Variants in TXLNB observed in about 807,000 individuals in gnomAD.
TXLNB encodes taxilin beta, also known as beta-taxilin.
A neutral mutation model predicts 57.4 loss-of-function variants in TXLNB; 37 were observed. That is an observed-to-expected ratio of 0.64 (90% CI 0.50 to 0.85). The LOEUF (loss-of-function observed/expected upper bound fraction) is 0.85. Among genes scored for constraint, TXLNB ranks in the 40% least tolerant of loss-of-function variants. TXLNB has a pLI of 0.00. For missense variants in TXLNB, 848 were observed against 825.6 expected, an observed-to-expected ratio of 1.03 and a Z score of -0.33; for synonymous variants, 302 against 309.6, an observed-to-expected ratio of 0.98 and a Z score of 0.26.
chr6:139,237,507 TA>T (rs58158274), downstream of TXLNB: 1,892 of 77,548 alleles, frequency 0.024, 27 homozygotes, highest in African/African-American at 0.069. Flanking sequence ...AGACTCCATC[TA>T]AAAAAAAAAA....
At chr6:139,255,327 T>C in intron 7 of TXLNB, 1 of 549,138 alleles carries the variant, frequency 1.8e-6, no homozygotes, top group Non-Finnish European at 3.5e-6. Context: ...CCATTGTCTG[T>C]CAACAAACCT....
chr6:139,319,059 C>T, the TXLNB span, among the ~76,000 whole-genome samples: 1 of 150,772 alleles, frequency 6.6e-6, no homozygotes, highest in Admixed American at 6.6e-5. Flanking sequence ...TCTCCTGCCT[C>T]AGCCCTCCAA....
At chr6:139,238,583 T>G (rs964484265), downstream of TXLNB, among the ~76,000 whole-genome samples, 1 of 152,188 alleles carries the variant, frequency 6.6e-6, no homozygotes, top group African/African-American at 2.4e-5. Flanking sequence ...AACGTCAGTA[T>G]TGAGGATACA....
chr6:139,256,679 C>G (rs943250758), intron 6 of TXLNB, among the ~76,000 whole-genome samples: 1 of 152,258 alleles, frequency 6.6e-6, no homozygotes, highest in Non-Finnish European at 1.5e-5. Context: ...GACCACTGTT[C>G]TCCACCATAG....
intron 4 of TXLNB, among the ~76,000 whole-genome samples, chr6:139,270,201 G>A (rs570675758): frequency 1.1e-4 from 17 of 152,254 alleles, no homozygotes; most frequent in South Asian, 8.3e-4. Context: ...GGTACTGTGC[G>A]GGTACCTTAC....
At chr6:139,193,003 A>G in the TXLNB span, among the ~76,000 whole-genome samples, 3 of 151,634 alleles carry the variant, frequency 2.0e-5, no homozygotes, top group African/African-American at 4.8e-5. Flanking sequence ...AAAAAACCCT[A>G]CTGTTGTGAA....
At chr6:139,191,779 G>C in the TXLNB span, among the ~76,000 whole-genome samples, 8 of 152,162 alleles carry the variant, frequency 5.3e-5, no homozygotes, top group Non-Finnish European at 1.0e-4. Context: ...GAGTTGTGTT[G>C]AGTTCATTCA....
the TXLNB span, among the ~76,000 whole-genome samples, chr6:139,184,608 G>T: frequency 7.3e-5 from 6 of 82,190 alleles, no homozygotes; most frequent in Admixed American, 6.6e-4. Flanking sequence ...TCTACACCAC[G>T]AATTCATCAT....
intron 4 of TXLNB, among the ~76,000 whole-genome samples, chr6:139,266,046 A>G (rs1036467094): frequency 3.3e-5 from 5 of 152,220 alleles, no homozygotes; most frequent in Non-Finnish European, 7.3e-5. Context: ...CTGAACTGAG[A>G]TTTCAGCTGC....
the TXLNB span, among the ~76,000 whole-genome samples, chr6:139,171,042 G>A: frequency 6.6e-6 from 1 of 152,124 alleles, no homozygotes; most frequent in Non-Finnish European, 1.5e-5. Context: ...TAAAGGTGGG[G>A]AAAGGGCCTG....
chr6:139,184,807 C>T, the TXLNB span, among the ~76,000 whole-genome samples: 1 of 152,142 alleles, frequency 6.6e-6, no homozygotes, highest in Non-Finnish European at 1.5e-5. Context: ...GTATCCCAGA[C>T]TGTTGAGGGT....
At chr6:139,167,112 G>T in the TXLNB span, 6 of 1,614,186 alleles carry the variant, frequency 3.7e-6, no homozygotes, top group Non-Finnish European at 5.1e-6. Context: ...TTCCACGTGC[G>T]CATGGAAGAC....
the TXLNB span, among the ~76,000 whole-genome samples, chr6:139,210,271 A>T: frequency 5.3e-5 from 8 of 152,310 alleles, no homozygotes; most frequent in South Asian, 1.7e-3. Flanking sequence ...GGGAATGTAA[A>T]CTAGTTCAAC....
intron 2 of TXLNB, among the ~76,000 whole-genome samples, chr6:139,281,247 G>T (rs1284386357): frequency 6.6e-6 from 1 of 152,096 alleles, no homozygotes; most frequent in East Asian, 1.9e-4. Context: ...GAAAACAAAA[G>T]CAACATTGTT....
At chr6:139,217,740 T>G in the TXLNB span, among the ~76,000 whole-genome samples, 24,869 of 151,482 alleles carry the variant, frequency 0.16, 2,307 homozygotes, top group African/African-American at 0.24. Context: ...ACGGTGGCAG[T>G]TGCCTGTGAT....
intron 4 of TXLNB, 44 bp downstream of exon 4, chr6:139,270,412 G>T (rs777951958): frequency 6.4e-6 from 10 of 1,565,590 alleles, no homozygotes; most frequent in Non-Finnish European, 8.7e-6. Flanking sequence ...CTGTCTCTGT[G>T]CCCCATTCAA....
At chr6:139,230,397 CTTTTGGTTCAG>C in the TXLNB span, among the ~76,000 whole-genome samples, 3 of 152,168 alleles carry the variant, frequency 2.0e-5, no homozygotes, top group Non-Finnish European at 4.4e-5. Context: ...TTCTCTTTGG[CTTTTGGTTCAG>C]GGAAACTATT....
At chr6:139,291,552 C>T (rs1031754477) in intron 1 of TXLNB, among the ~76,000 whole-genome samples, 14 of 152,040 alleles carry the variant, frequency 9.2e-5, no homozygotes, top group Admixed American at 9.2e-4. Flanking sequence ...AAGCCCAGGA[C>T]AATTCAATTC....
the TXLNB span, among the ~76,000 whole-genome samples, chr6:139,234,949 G>A: frequency 0.012 from 1,873 of 152,312 alleles, 28 homozygotes; most frequent in African/African-American, 0.042. Context: ...CCAAGGCTAC[G>A]GGAGCCCACC....
Sources: gnomAD v4.1 joint callset for allele counts (sites outside exome capture counted in the v4.1 genomes callset) on GRCh38, gnomAD v4.1.1 for gene constraint, MANE v1.5 for transcripts, NCBI Gene and HGNC (gene_info 2026-07-23, HGNC 2026-07-21) for gene names.